The following NAA16 variants were observed in gnomAD, a reference collection of about 807,000 sequenced individuals.
NAA16 encodes the protein NARG1-like protein.
A neutral mutation model predicts 110.3 loss-of-function variants in NAA16; 97 were observed. That is an observed-to-expected ratio of 0.88 (90% CI 0.75 to 1.04). NAA16 has a LOEUF of 1.04. NAA16 is among the 50% of genes least tolerant of loss of function. The pLI is 0.00. For missense variants in NAA16, 1,017 were observed against 1,005.1 expected, an observed-to-expected ratio of 1.01 and a Z score of -0.16; for synonymous variants, 372 against 330.6, an observed-to-expected ratio of 1.13 and a Z score of -1.36.
chr13:41,321,220 C>T lies in NAA16; in HGVS notation c.402+396C>T, dbSNP rs1039523966. 8.5e-5 allele frequency among the ~76,000 whole-genome samples: 13 copies of T among 152,230 alleles called. No homozygotes were observed. In the East Asian group the frequency reaches 2.5e-3, roughly 29 times the overall value. On this transcript the variant is annotated intron_variant, in intron 4 of 19. Coordinates refer to ENST00000379406, the MANE Select transcript of NAA16 (RefSeq NM_024561.5). ...TGTTGAGGCAGGAGGATCCCTTGAA[C>T]CTAAGAGTTGAGGCTGCAGTGAGCC...
intron 15 of NAA16, among the ~76,000 whole-genome samples, chr13:41,369,647 A>G (rs1319625039): frequency 6.6e-6 from 1 of 152,204 alleles, no homozygotes; most frequent in African/African-American, 2.4e-5. Flanking sequence ...TGGTCCTAAT[A>G]TCGTCAAAAG....
intron 9 of NAA16, among the ~76,000 whole-genome samples, chr13:41,351,004 G>T (rs903592630): frequency 1.9e-4 from 29 of 152,242 alleles, no homozygotes; most frequent in African/African-American, 6.5e-4. Context: ...GAAAGTACTT[G>T]TTTTTTAGCC....
intron 13 of NAA16, among the ~76,000 whole-genome samples, chr13:41,366,403 C>T (rs929357471): frequency 2.0e-5 from 3 of 152,084 alleles, no homozygotes; most frequent in African/African-American, 7.2e-5. Flanking sequence ...AGTAGGAAAG[C>T]TTGATCTATA....
Position 41,372,214 on chromosome 13 carries a change from A to G in NAA16, c.1959A>G (p.Pro653=), listed in dbSNP as rs995583123. The G allele has an allele frequency of 1.3e-6, 2 of 1,565,718 alleles. No individual in the cohort carries two copies. Among genetic ancestry groups the G allele is most frequent in the Non-Finnish European group, 1.7e-6 (2 of 1,158,116 alleles). ...IPEKLERVEN[P]LEEAVKFLIP... ...CTGTTTCAAAATAGGTAGAAAATCC[A>G]TTAGAGGAAGCCGTTAAGTTCCTTA... Residue 653 remains proline, a synonymous_variant, in exon 16 of 20, where the codon CCA becomes CCG. Coordinates refer to ENST00000379406, the MANE Select transcript of NAA16 (RefSeq NM_024561.5).
At position 41,373,669 on chromosome 13, in the gene NAA16, A is replaced by G. The variant is rs764301430; in HGVS notation, c.2188A>G (p.Ser730Gly). The G allele has an allele frequency of 3.1e-6, 5 of 1,608,744 alleles. No individual in the cohort carries two copies. The South Asian group carries it at 3.3e-5, about 11-fold the overall frequency. ...SNHSNLPDIV[S>G]KVLSQEMQKI... ...TCATAGTAATCTTCCAGACATTGTGAGCAAAGTTCTATCTCAAGAAATGCA... is the reference window on the plus strand; with the variant it reads ...TCATAGTAATCTTCCAGACATTGTGGGCAAAGTTCTATCTCAAGAAATGCA... Residue 730 changes from serine (S) to glycine (G), a missense_variant, in exon 18 of 20, where the codon AGC (serine) becomes GGC (glycine). Transcript: ENST00000379406.
Position 41,320,080 on chromosome 13 carries a change from A to G in NAA16, c.245-587A>G, listed in dbSNP as rs191620562. Among the ~76,000 whole-genome samples, 25 of 152,340 alleles carry G rather than the reference A, an allele frequency of 1.6e-4. No homozygotes were observed. In the East Asian group the frequency reaches 4.4e-3, roughly 27 times the overall value. On this transcript the variant is annotated intron_variant, in intron 3 of 19. Coordinates refer to ENST00000379406, the MANE Select transcript of NAA16 (RefSeq NM_024561.5). ...CTTACCCCAGAGTGAAGAGAAGGGC[A>G]TGTAAGTATGATAGTTTTGTGGGGC...
Position 41,375,672 on chromosome 13 carries a change from A to C in NAA16, c.*70A>C. ...GATCAGGGTTTCTTTTCCAGGGTGC[A>C]TTTTAATATACGTATGAAATGAAAT... On this transcript the variant is annotated 3_prime_UTR_variant, in exon 20 of 20. Coordinates refer to ENST00000379406, the MANE Select transcript of NAA16 (RefSeq NM_024561.5). 1 of 1,105,146 alleles carries C rather than the reference A, an allele frequency of 9.0e-7. No homozygotes were observed. The highest frequency in any genetic ancestry group is 1.3e-6 in the Non-Finnish European group (1 of 771,938). The allele number at this position is 1,105,146 out of a possible 1,614,324, so 68.5% of individuals were successfully genotyped here.
At chr13:41,364,672 A>G (rs1354635527) in intron 13 of NAA16, among the ~76,000 whole-genome samples, 1 of 150,590 alleles carries the variant, frequency 6.6e-6, no homozygotes, top group Non-Finnish European at 1.5e-5. Flanking sequence ...AACGATACAT[A>G]TATTTCTAAC....
chr13:41,373,220 A>C, intron 17 of NAA16: 1 of 838,984 alleles, frequency 1.2e-6, no homozygotes, highest in Non-Finnish European at 1.4e-6. Flanking sequence ...ATACTATGTA[A>C]AATCAAGTTT....
In NAA16 at chr13:41,315,860, C is replaced by T. The variant is rs574334321; in HGVS notation, c.55-986C>T. Among the ~76,000 whole-genome samples the T allele has an allele frequency of 4.6e-5, 7 of 152,056 alleles. No individual in the cohort carries two copies. In the South Asian group the frequency reaches 8.3e-4, roughly 18 times the overall value. On this transcript the variant is annotated intron_variant, in intron 1 of 19. Coordinates refer to ENST00000379406, the MANE Select transcript of NAA16 (RefSeq NM_024561.5). Reference sequence around the variant, plus strand: ...TCATGCCTTACTGCAGCCTCAGCCTCGTGGGCTCAAGTGATCCTCCCACCT... The same window carrying T: ...TCATGCCTTACTGCAGCCTCAGCCTTGTGGGCTCAAGTGATCCTCCCACCT...
intron 2 of NAA16, among the ~76,000 whole-genome samples, chr13:41,318,041 G>A (rs1050743466): frequency 6.6e-6 from 1 of 152,132 alleles, no homozygotes; most frequent in Non-Finnish European, 1.5e-5. Flanking sequence ...ATTGAATAAA[G>A]TGATTAGTGA....
chr13:41,312,534 T>C (rs2041652036), intron 1 of NAA16, among the ~76,000 whole-genome samples: 1 of 152,340 alleles, frequency 6.6e-6, no homozygotes, highest in African/African-American at 2.4e-5. Flanking sequence ...GGTAACTGTC[T>C]TTTCTAGTTT....
chr13:41,346,873 G>A (rs1210979593), intron 9 of NAA16, among the ~76,000 whole-genome samples: 1 of 152,118 alleles, frequency 6.6e-6, no homozygotes, highest in African/African-American at 2.4e-5. Flanking sequence ...AAGTCCATCT[G>A]TGCCAGTGCC....
intron 10 of NAA16, among the ~76,000 whole-genome samples, chr13:41,355,451 A>G (rs1351835265): frequency 6.6e-6 from 1 of 152,138 alleles, no homozygotes; most frequent in Non-Finnish European, 1.5e-5. Flanking sequence ...GTTTTTTGAG[A>G]CGGAGTCTCA....
At position 41,311,591 on chromosome 13, in the gene NAA16, C is replaced by T; in HGVS notation, c.54+9C>T. 3.1e-6 allele frequency: 5 copies of T among 1,603,342 alleles called. No individual in the cohort carries two copies. The highest frequency in any genetic ancestry group is 3.4e-6 in the Non-Finnish European group (4 of 1,175,466). ...TCTTCAAACGCATCTTGGTGAGTGG[C>T]CGTAGGCCGCGCTGCCGCCCCCCGG... On this transcript the variant is annotated intron_variant, in intron 1 of 19. Coordinates refer to ENST00000379406, the MANE Select transcript of NAA16 (RefSeq NM_024561.5).
intron 7 of NAA16, among the ~76,000 whole-genome samples, chr13:41,330,850 C>G (rs1257928097): frequency 1.3e-5 from 2 of 152,026 alleles, no homozygotes; most frequent in Non-Finnish European, 2.9e-5. Context: ...AAAACTGTTG[C>G]TCCTTTGAGG....
In NAA16 at chr13:41,325,399, A is replaced by T. The variant is rs570274686; in HGVS notation, c.538-299A>T. 6.0e-5 allele frequency among the ~76,000 whole-genome samples: 9 copies of T among 151,100 alleles called. No homozygotes were observed. In the East Asian group the frequency reaches 1.7e-3, roughly 29 times the overall value. Reference sequence around the variant, plus strand: ...ATTTTATTCTGTGACTTTGGTAAACACTTTTATTAACTCTAGTAGTTTTTT... The same window carrying T: ...ATTTTATTCTGTGACTTTGGTAAACTCTTTTATTAACTCTAGTAGTTTTTT... On this transcript the variant is annotated intron_variant, in intron 5 of 19. Coordinates refer to ENST00000379406, the MANE Select transcript of NAA16 (RefSeq NM_024561.5).
At chr13:41,350,297 G>T (rs796709139) in intron 9 of NAA16, among the ~76,000 whole-genome samples, 16 of 127,378 alleles carry the variant, frequency 1.3e-4, no homozygotes, top group African/African-American at 4.7e-4. Flanking sequence ...AATCAGTTTT[G>T]TTTTTTTTTT....
At chr13:41,324,537 G>C (rs2042038049) in intron 5 of NAA16, among the ~76,000 whole-genome samples, 1 of 151,424 alleles carries the variant, frequency 6.6e-6, no homozygotes, top group Non-Finnish European at 1.5e-5. Flanking sequence ...CACTGGGTCT[G>C]GCTAAGTTTT....
Sources: gnomAD v4.1 joint callset for allele counts (sites outside exome capture counted in the v4.1 genomes callset) on GRCh38, gnomAD v4.1.1 for gene constraint, MANE v1.5 for transcripts, NCBI Gene and HGNC (gene_info 2026-07-23, HGNC 2026-07-21) for gene names.